TRPM3: variants seen among roughly 807,000 people sequenced by gnomAD.
TRPM3 encodes the protein transient receptor potential cation channel subfamily M member 3, also known as long transient receptor potential channel 3.
TRPM3 carries 77 observed loss-of-function variants against 181.2 expected under a neutral mutation model. The observed-to-expected ratio is 0.42, with a 90% CI of 0.35 to 0.51. The LOEUF (loss-of-function observed/expected upper bound fraction) is 0.51, where lower values mean the gene tolerates loss of function less well. Among genes scored for constraint, TRPM3 ranks in the 20% least tolerant of loss-of-function variants. The probability of loss-of-function intolerance (pLI) is 0.01; values close to 1 mark genes in which losing one functional copy is unlikely to be tolerated. For missense variants in TRPM3, 1,759 were observed against 2,196.7 expected, an observed-to-expected ratio of 0.80 and a Z score of 3.98; for synonymous variants, 745 against 796.4, an observed-to-expected ratio of 0.94 and a Z score of 1.09.
Position 71,336,629 on chromosome 9 carries a change from G to C in TRPM3, c.183+110024C>G, listed in dbSNP as rs529601900. Among the ~76,000 whole-genome samples, 82 of 152,246 alleles carry C rather than the reference G, an allele frequency of 5.4e-4. 1 individual carries two copies. Among genetic ancestry groups the C allele is most frequent in the African/African-American group, 2.0e-3 (82 of 41,540 alleles). On this transcript the variant is annotated intron_variant, in intron 1 of 24. Transcript: ENST00000357533. ...TTAAATTTCATATGGGACCAAAAAA[G>C]AGCCTGCATAACCAAGAAAATCCTA... is the stretch of plus-strand genomic sequence containing the variant.
intron 1 of TRPM3, among the ~76,000 whole-genome samples, chr9:71,152,030 G>A (rs1454100342): frequency 2.0e-5 from 3 of 151,938 alleles, no homozygotes; most frequent in Non-Finnish European, 2.9e-5. Flanking sequence ...TTTTTCAATC[G>A]ATTTATATGT....
intron 1 of TRPM3, among the ~76,000 whole-genome samples, chr9:71,330,673 C>A (rs868841681): frequency 6.6e-6 from 1 of 151,736 alleles, no homozygotes; most frequent in African/African-American, 2.4e-5. Flanking sequence ...ATTTAATATA[C>A]CCAGTGTGAA....
In TRPM3 at chr9:71,444,209, T is replaced by A. The variant is rs2094174380; in HGVS notation, c.183+2444A>T. ...AAAAAAAAAAAAACTAATACAATCATTCCCCTTGAGGACAGAGTCATGGAC... is the reference window on the plus strand; with the variant it reads ...AAAAAAAAAAAAACTAATACAATCAATCCCCTTGAGGACAGAGTCATGGAC... On this transcript the variant is annotated intron_variant, in intron 1 of 24. Coordinates refer to the TRPM3 transcript ENST00000357533. Among the ~76,000 whole-genome samples, 5 of 149,258 alleles carry A rather than the reference T, an allele frequency of 3.3e-5. No individual in the cohort carries two copies. In the South Asian group the frequency reaches 1.1e-3, roughly 31 times the overall value.
At chr9:71,330,968 T>C (rs1423066118) in intron 1 of TRPM3, among the ~76,000 whole-genome samples, 6 of 151,850 alleles carry the variant, frequency 4.0e-5, no homozygotes, top group African/African-American at 1.5e-4. Context: ...AAAAAACAGA[T>C]TTTGTGTATC....
chr9:71,266,199 T>C (rs1222048034), intron 1 of TRPM3, among the ~76,000 whole-genome samples: 1 of 152,214 alleles, frequency 6.6e-6, no homozygotes, highest in Non-Finnish European at 1.5e-5. Flanking sequence ...GAGAAGCTTT[T>C]CTGGGTTCTT....
chr9:70,825,125 A>T (rs1564464965), intron 6 of TRPM3: 1 of 152,112 alleles, frequency 6.6e-6, no homozygotes, highest in Non-Finnish European at 1.5e-5. Flanking sequence ...GCCCAGACTG[A>T]GGGGGCCCAG....
intron 1 of TRPM3, among the ~76,000 whole-genome samples, chr9:70,893,198 C>T (rs2096237618): frequency 6.6e-6 from 1 of 152,154 alleles, no homozygotes; most frequent in Non-Finnish European, 1.5e-5. Context: ...ACAGGTCCTC[C>T]AGATTGGAAG....
chr9:70,604,625 G>A (rs996255075), intron 19 of TRPM3, among the ~76,000 whole-genome samples: 2 of 152,178 alleles, frequency 1.3e-5, no homozygotes, highest in African/African-American at 4.8e-5. Context: ...CTTGCTGGGG[G>A]ATATGCTGCT....
chr9:71,079,115 C>G (rs528974375), intron 1 of TRPM3, among the ~76,000 whole-genome samples: 14 of 152,262 alleles, frequency 9.2e-5, no homozygotes, highest in African/African-American at 3.4e-4. Context: ...TTGAGGCTAG[C>G]TGTTGCGTTG....
chr9:70,926,742 C>A (rs2096725259), intron 1 of TRPM3, among the ~76,000 whole-genome samples: 1 of 152,208 alleles, frequency 6.6e-6, no homozygotes, highest in Non-Finnish European at 1.5e-5. Context: ...ATCTGATGGA[C>A]TTGGCTGTTT....
chr9:70,654,744 G>A (rs200229320), intron 9 of TRPM3, among the ~76,000 whole-genome samples: 36 of 150,652 alleles, frequency 2.4e-4, no homozygotes, highest in South Asian at 1.9e-3. Flanking sequence ...GTGCAGTGGC[G>A]CGATCTTGGC....
At position 70,531,378 on chromosome 9, in the gene TRPM3, CTGTT is replaced by C. The variant is rs1019004710; in HGVS notation, c.*4571_*4574del. The C allele has an allele frequency of 3.9e-5, 6 of 152,068 alleles. No homozygotes were observed. The highest frequency in any genetic ancestry group is 1.9e-4 in the East Asian group (1 of 5,182). The allele number at this position is 152,068 out of a possible 1,614,324, so 9.4% of individuals were successfully genotyped here. A position where few individuals can be genotyped will look rare whatever the true frequency, so the allele number is the denominator to read the frequency against. On this transcript the variant is annotated 3_prime_UTR_variant, in exon 26 of 26. Transcript: ENST00000677713. ...ATAATCCCCATAGTAAGAAGCCCAA[CTGTT>C]TGAGTGAATTCTTAACTGGCTTAAG... is the stretch of plus-strand genomic sequence containing the variant.
chr9:71,192,329 T>C (rs946854535), intron 1 of TRPM3, among the ~76,000 whole-genome samples: 2 of 151,800 alleles, frequency 1.3e-5, no homozygotes, highest in Non-Finnish European at 2.9e-5. Context: ...TTTTGCTCTC[T>C]GAAAGCAATT....
At chr9:71,277,920 A>G (rs1477766054) in intron 1 of TRPM3, among the ~76,000 whole-genome samples, 1 of 152,192 alleles carries the variant, frequency 6.6e-6, no homozygotes, top group Non-Finnish European at 1.5e-5. Context: ...GTTATTTTTT[A>G]AAAACATAAA....
intron 1 of TRPM3, among the ~76,000 whole-genome samples, chr9:70,902,834 A>C (rs1245136822): frequency 6.6e-6 from 1 of 152,204 alleles, no homozygotes; most frequent in South Asian, 2.1e-4. Context: ...TGTTGGCTTG[A>C]ATCACCTTAG....
At chr9:71,012,092 T>C (rs1041804723) in intron 1 of TRPM3, among the ~76,000 whole-genome samples, 1 of 152,134 alleles carries the variant, frequency 6.6e-6, no homozygotes, top group Non-Finnish European at 1.5e-5. Context: ...CTATGTTTTC[T>C]TTTAGTACCT....
intron 17 of TRPM3, among the ~76,000 whole-genome samples, chr9:70,616,710 C>A (rs2062840358): frequency 6.6e-6 from 1 of 152,084 alleles, no homozygotes; most frequent in Admixed American, 6.6e-5. Context: ...CACACACACA[C>A]CCCCCAGTGG....
intron 1 of TRPM3, among the ~76,000 whole-genome samples, chr9:71,351,931 T>A (rs529797706): frequency 9.1e-4 from 137 of 149,806 alleles, no homozygotes; most frequent in Non-Finnish European, 1.8e-3. Context: ...GCTGGAGTGC[T>A]GTGGCGTGAT....
chr9:71,402,279 T>C (rs371440569), intron 1 of TRPM3, among the ~76,000 whole-genome samples: 1 of 152,206 alleles, frequency 6.6e-6, no homozygotes, highest in African/African-American at 2.4e-5. Flanking sequence ...GCCTCTTTAG[T>C]AGTCAACGAA....
Sources: gnomAD v4.1 joint callset for allele counts (sites outside exome capture counted in the v4.1 genomes callset) on GRCh38, gnomAD v4.1.1 for gene constraint, MANE v1.5 for transcripts, NCBI Gene and HGNC (gene_info 2026-07-23, HGNC 2026-07-21) for gene names.